The following RBFOX1 variants were observed in gnomAD, a reference collection of about 807,000 sequenced individuals.
RBFOX1 encodes RNA binding protein fox-1 homolog 1.
In RBFOX1, 8 loss-of-function variants were observed where a neutral mutation model predicts 57.7. The observed-to-expected ratio is 0.14, with a 90% CI of 0.08 to 0.25. RBFOX1 has a LOEUF of 0.25. RBFOX1 is among the 10% of genes least tolerant of loss of function. The pLI, the probability that RBFOX1 is intolerant of heterozygous loss-of-function variation, is 1.00. For missense variants in RBFOX1, 611 were observed against 548.5 expected, an observed-to-expected ratio of 1.11 and a Z score of -1.14; for synonymous variants, 326 against 222.4, an observed-to-expected ratio of 1.47 and a Z score of -4.15.
intron 1 of RBFOX1, among the ~76,000 whole-genome samples, chr16:5,399,881 A>G (rs895874391): frequency 1.3e-5 from 2 of 152,066 alleles, no homozygotes; most frequent in African/African-American, 4.8e-5. Context: ...TTTATCAGCA[A>G]TTTTGGTTTA....
chr16:7,006,555 T>C (rs902751008), intron 3 of RBFOX1, among the ~76,000 whole-genome samples: 2 of 152,002 alleles, frequency 1.3e-5, no homozygotes, highest in Non-Finnish European at 2.9e-5. Context: ...GCTCAAGCAG[T>C]CCTCCCACCT....
chr16:6,252,965 A>C (rs2097631392), intron 1 of RBFOX1, among the ~76,000 whole-genome samples: 1 of 152,294 alleles, frequency 6.6e-6, no homozygotes, highest in African/African-American at 2.4e-5. Flanking sequence ...CTACTTAGTG[A>C]TATAATGCTT....
chr16:5,761,034 A>G (rs1412243865), intron 3 of RBFOX1, among the ~76,000 whole-genome samples: 1 of 152,192 alleles, frequency 6.6e-6, no homozygotes, highest in Non-Finnish European at 1.5e-5. Flanking sequence ...AATTGATAGG[A>G]TGGTGGCCAG....
intron 3 of RBFOX1, among the ~76,000 whole-genome samples, chr16:6,856,977 A>G (rs1015101003): frequency 4.6e-5 from 7 of 152,122 alleles, no homozygotes; most frequent in African/African-American, 9.6e-5. Flanking sequence ...GGACAAAGAG[A>G]AGGAGGACTT....
intron 3 of RBFOX1, among the ~76,000 whole-genome samples, chr16:6,656,970 C>CCCCTT (rs2098660929): frequency 8.0e-6 from 1 of 124,430 alleles, no homozygotes; most frequent in African/African-American, 3.1e-5. Context: ...TTCCTCTCCT[C>CCCCTT]TCCTCCCCTT....
intron 2 of RBFOX1, among the ~76,000 whole-genome samples, chr16:5,545,748 A>C (rs1275634357): frequency 6.6e-6 from 1 of 152,190 alleles, no homozygotes; most frequent in Non-Finnish European, 1.5e-5. Context: ...TTAATAGTGA[A>C]AGACTGAATG....
At chr16:7,116,713 C>T (rs2065977949) in intron 4 of RBFOX1, among the ~76,000 whole-genome samples, 2 of 152,090 alleles carry the variant, frequency 1.3e-5, no homozygotes, top group Admixed American at 6.5e-5. Flanking sequence ...TGTTAAGGTA[C>T]GTGGAGACAG....
chr16:6,360,163 C>T (rs181513489), intron 2 of RBFOX1, among the ~76,000 whole-genome samples: 3 of 152,114 alleles, frequency 2.0e-5, no homozygotes, highest in Non-Finnish European at 4.4e-5. Flanking sequence ...ATATAGATTT[C>T]AGCCTGTACC....
intron 4 of RBFOX1, among the ~76,000 whole-genome samples, chr16:7,156,256 ATGTATG>A (rs2077104857): frequency 1.4e-5 from 2 of 143,774 alleles, no homozygotes. Flanking sequence ...ATGTATACAT[ATGTATG>A]TGTACATGTA....
In RBFOX1 at chr16:7,451,949, G is replaced by A. The variant is rs575671431; in HGVS notation, c.28-66198G>A. Among the ~76,000 whole-genome samples the A allele has an allele frequency of 3.0e-4, 45 of 152,240 alleles. No individual in the cohort carries two copies. The South Asian group carries it at 9.4e-3, about 32-fold the overall frequency. On this transcript the variant is annotated intron_variant, in intron 4 of 15. Transcript: ENST00000550418. Reference sequence around the variant, plus strand: ...CCATCTGGGTATGGAATGAGGTGGGGTAAGGTGGTTTGGAAAGAGAAAGGA... The same window carrying A: ...CCATCTGGGTATGGAATGAGGTGGGATAAGGTGGTTTGGAAAGAGAAAGGA...
rs943396890 is a variant in RBFOX1 at position 7,427,840 on chromosome 16, G to T, written c.28-90307G>T. Among the ~76,000 whole-genome samples the T allele has an allele frequency of 2.0e-5, 3 of 152,098 alleles. No individual in the cohort carries two copies. In the East Asian group the frequency reaches 5.8e-4, roughly 30 times the overall value. On this transcript the variant is annotated intron_variant, in intron 4 of 15. Coordinates refer to ENST00000550418, the MANE Select transcript of RBFOX1 (RefSeq NM_018723.4). ...AGTTAGTTTTCATATTTTTAGTAGA[G>T]ATGGGGTTTGAACATGTTTCCCAGC...
chr16:6,510,417 C>A (rs1239876510), intron 2 of RBFOX1, among the ~76,000 whole-genome samples: 3 of 152,180 alleles, frequency 2.0e-5, no homozygotes, highest in Non-Finnish European at 4.4e-5. Context: ...TGATGACACG[C>A]TGAGTCCCTG....
chr16:5,568,193 T>A (rs1365606731), intron 2 of RBFOX1, among the ~76,000 whole-genome samples: 2 of 152,182 alleles, frequency 1.3e-5, no homozygotes, highest in East Asian at 3.9e-4. Flanking sequence ...CTTCCTCGAA[T>A]CCCCACCACA....
At chr16:7,337,709 G>A (rs1260280638) in intron 4 of RBFOX1, among the ~76,000 whole-genome samples, 1 of 152,160 alleles carries the variant, frequency 6.6e-6, no homozygotes, top group African/African-American at 2.4e-5. Flanking sequence ...TTTTGAGATG[G>A]AGTCTCACTC....
chr16:7,300,408 A>G (rs2096004194), intron 4 of RBFOX1, among the ~76,000 whole-genome samples: 1 of 152,226 alleles, frequency 6.6e-6, no homozygotes, highest in Admixed American at 6.5e-5. Context: ...AGTTTTCTAA[A>G]GATACTTTCA....
chr16:7,301,376 A>T (rs1250658294), intron 4 of RBFOX1, among the ~76,000 whole-genome samples: 1 of 152,118 alleles, frequency 6.6e-6, no homozygotes, highest in African/African-American at 2.4e-5. Flanking sequence ...GACTCCAAAT[A>T]ATTTTGATGT....
Position 7,187,493 on chromosome 16 carries a change from T to A in RBFOX1, c.27+135395T>A, listed in dbSNP as rs373700331. 1.9e-4 allele frequency among the ~76,000 whole-genome samples: 29 copies of A among 151,212 alleles called. No individual in the cohort carries two copies. The East Asian group carries it at 5.3e-3, about 28-fold the overall frequency. On this transcript the variant is annotated intron_variant, in intron 4 of 15. Transcript: ENST00000550418. ...TCACGAGATCAGGAGATCGAGACCA[T>A]CCTGGCTAACACAGTGAAACCCCAT...
intron 3 of RBFOX1, among the ~76,000 whole-genome samples, chr16:6,762,779 A>C (rs1427581783): frequency 2.0e-5 from 3 of 152,196 alleles, no homozygotes; most frequent in African/African-American, 7.2e-5. Context: ...GGGGGTAGTC[A>C]GGAAGACAGG....
chr16:6,845,002 A>G (rs975628141), intron 3 of RBFOX1, among the ~76,000 whole-genome samples: 2 of 151,964 alleles, frequency 1.3e-5, no homozygotes, highest in Non-Finnish European at 2.9e-5. Flanking sequence ...TTGTCTGTTT[A>G]TGTCCTTTGC....
Sources: gnomAD v4.1 joint callset for allele counts (sites outside exome capture counted in the v4.1 genomes callset) on GRCh38, gnomAD v4.1.1 for gene constraint, MANE v1.5 for transcripts, NCBI Gene and HGNC (gene_info 2026-07-23, HGNC 2026-07-21) for gene names.